The following SSBP3 variants were observed in gnomAD, a reference collection of about 807,000 sequenced individuals.
SSBP3 encodes single-stranded DNA-binding protein 3.
In SSBP3, 5 loss-of-function variants were observed where a neutral mutation model predicts 69.6. That is an observed-to-expected ratio of 0.07 (90% CI 0.04 to 0.15). The LOEUF is 0.15. SSBP3 is among the 10% of genes least tolerant of loss of function. The pLI is 1.00. For synonymous variants in SSBP3, 196 were observed against 193.4 expected (o/e 1.01, Z -0.11); for missense variants, 312 against 534.0 (o/e 0.58, Z 4.10).
chr1:54,225,980 A>G (rs1014201169), exon 18 of SSBP3: 2 of 152,236 alleles, frequency 1.3e-5, no homozygotes, highest in African/African-American at 4.8e-5. Context: ...AGGACGAATA[A>G]AGAGAAAAAA....
At chr1:54,308,181 C>T (rs997860993) in intron 4 of SSBP3, among the ~76,000 whole-genome samples, 4 of 152,120 alleles carry the variant, frequency 2.6e-5, no homozygotes, top group Non-Finnish European at 4.4e-5. Context: ...AAGAAGAGGC[C>T]GGGTGCTGAC....
intron 4 of SSBP3, among the ~76,000 whole-genome samples, chr1:54,380,879 G>C (rs1441712587): frequency 6.6e-6 from 1 of 152,086 alleles, no homozygotes; most frequent in Non-Finnish European, 1.5e-5. Flanking sequence ...CTAGCACTTT[G>C]GGAGGCTGAA....
At chr1:54,234,315 T>C (rs1241533298) in intron 14 of SSBP3, among the ~76,000 whole-genome samples, 1 of 146,422 alleles carries the variant, frequency 6.8e-6, no homozygotes, top group Non-Finnish European at 1.5e-5. Context: ...CAAATCCCCC[T>C]CTGTGAGAAA....
Position 54,311,566 on chromosome 1 carries a change from G to A in SSBP3, c.277-30039C>T, listed in dbSNP as rs117844508. On this transcript the variant is annotated intron_variant, in intron 4 of 17. Transcript: ENST00000610401. ...ATCGAGACAACCCTGCCTACCTCAT[G>A]GGGCCCATTGAGAGCATGTGAGCCA... Among the ~76,000 whole-genome samples, 462 of 152,230 alleles carry A rather than the reference G, an allele frequency of 3.0e-3. 18 individuals carry two copies. The East Asian group carries it at 0.077, about 26-fold the overall frequency.
At chr1:54,409,083 G>A (rs890373697), upstream of SSBP3, among the ~76,000 whole-genome samples, 3 of 152,162 alleles carry the variant, frequency 2.0e-5, no homozygotes, top group Non-Finnish European at 4.4e-5. Flanking sequence ...CAGATCAGAA[G>A]CAAGTCCAAA....
At chr1:54,238,491 C>T (rs554374248) in intron 14 of SSBP3, 54 of 373,876 alleles carry the variant, frequency 1.4e-4, no homozygotes, top group Non-Finnish European at 2.4e-4. Context: ...CCTCGGGCAA[C>T]GCCCCCTGGG....
At chr1:54,234,334 A>G (rs1265449260) in intron 14 of SSBP3, among the ~76,000 whole-genome samples, 4 of 144,090 alleles carry the variant, frequency 2.8e-5, no homozygotes, top group Admixed American at 6.9e-5. Context: ...AACACCCAAG[A>G]ATTATCAATA....
chr1:54,288,586 TGGG>T, intron 4 of SSBP3, among the ~76,000 whole-genome samples: 2 of 125,598 alleles, frequency 1.6e-5, no homozygotes, highest in South Asian at 5.4e-4. Flanking sequence ...TCAGCAGGGG[TGGG>T]GGGGGGGAGG....
In SSBP3 at chr1:54,240,099, C is replaced by CGT. The variant is rs1372856308; in HGVS notation, c.856+804_856+805dup. On this transcript the variant is annotated intron_variant, in intron 13 of 17. Transcript: ENST00000610401. Reference sequence around the variant, plus strand: ...GTGTGTGTGTGTGTGCGCGCGCGCGCGTGTGCGTGCGCGCGCGCGCGCAAC... The same window carrying CGT: ...GTGTGTGTGTGTGTGCGCGCGCGCGCGTGTGTGCGTGCGCGCGCGCGCGCAAC... 5.5e-4 allele frequency among the ~76,000 whole-genome samples: 58 copies of CGT among 105,338 alleles called. 1 individual carries two copies. Among genetic ancestry groups the CGT allele is most frequent in the Non-Finnish European group, 8.5e-4 (44 of 52,038 alleles). The allele number at this position is 105,338 out of a possible 152,430, so 69.1% of individuals were successfully genotyped here. A position where few individuals can be genotyped will look rare whatever the true frequency, so the allele number is the denominator to read the frequency against.
At chr1:54,280,758 T>C (rs1054812658) in intron 5 of SSBP3, among the ~76,000 whole-genome samples, 3 of 152,138 alleles carry the variant, frequency 2.0e-5, no homozygotes, top group Admixed American at 6.5e-5. Context: ...GCGCCCAACC[T>C]GGCAAAACAG....
At chr1:54,228,214 G>C in intron 17 of SSBP3, 41 bp downstream of exon 17, 3 of 1,555,354 alleles carry the variant, frequency 1.9e-6, no homozygotes, top group Admixed American at 3.3e-5. Flanking sequence ...AGAGTCCCCA[G>C]GCCGTGGGGA....
chr1:54,387,058 A>G (rs1228872531), intron 4 of SSBP3, among the ~76,000 whole-genome samples: 2 of 152,150 alleles, frequency 1.3e-5, no homozygotes, highest in African/African-American at 4.8e-5. Flanking sequence ...TGAAGTAAGA[A>G]CATCCGTTCC....
intron 4 of SSBP3, among the ~76,000 whole-genome samples, chr1:54,323,001 C>T (rs1646241155): frequency 6.6e-6 from 1 of 152,172 alleles, no homozygotes; most frequent in South Asian, 2.1e-4. Flanking sequence ...GAACTCTGAC[C>T]TATGATTTTC....
chr1:54,293,029 A>G (rs1208736970), intron 4 of SSBP3, among the ~76,000 whole-genome samples: 1 of 152,016 alleles, frequency 6.6e-6, no homozygotes, highest in African/African-American at 2.4e-5. Context: ...TGGTTCAGGT[A>G]CCCACCAAGA....
chr1:54,235,508 C>T (rs1260350875), intron 14 of SSBP3, among the ~76,000 whole-genome samples: 21 of 136,122 alleles, frequency 1.5e-4, no homozygotes, highest in Non-Finnish European at 2.6e-4. Flanking sequence ...CAGGCTGGAG[C>T]GCAGCGTTGC....
chr1:54,409,362 G>A (rs774937497), upstream of SSBP3, among the ~76,000 whole-genome samples: 1 of 151,980 alleles, frequency 6.6e-6, no homozygotes, highest in South Asian at 2.1e-4. Context: ...CATTGTTGTA[G>A]CCACTTGTTT....
rs552091279 is a variant in SSBP3 at position 54,327,981 on chromosome 1, C to T, written c.277-46454G>A. On this transcript the variant is annotated intron_variant, in intron 4 of 17. Coordinates refer to ENST00000610401, the Ensembl canonical transcript of SSBP3. ...GTAAGCCAGCGTTTATTTTTAAACACGAAGAAGAGTCTCCCATAATAAAGC... is the reference window on the plus strand; with the variant it reads ...GTAAGCCAGCGTTTATTTTTAAACATGAAGAAGAGTCTCCCATAATAAAGC... Among the ~76,000 whole-genome samples the T allele has an allele frequency of 7.2e-5, 11 of 152,176 alleles. No homozygotes were observed. The East Asian group carries it at 1.5e-3, about 21-fold the overall frequency.
chr1:54,402,896 G>A (rs111760546), intron 3 of SSBP3, among the ~76,000 whole-genome samples: 7 of 152,124 alleles, frequency 4.6e-5, no homozygotes, highest in Non-Finnish European at 1.0e-4. Flanking sequence ...CGAGGCCCAG[G>A]GACAGAACAA....
At chr1:54,276,472 A>G (rs918597819) in intron 5 of SSBP3, among the ~76,000 whole-genome samples, 4 of 151,670 alleles carry the variant, frequency 2.6e-5, no homozygotes, top group Non-Finnish European at 5.9e-5. Flanking sequence ...TTAGCCGGGC[A>G]TGGTGGTGAG....
Sources: gnomAD v4.1 joint callset for allele counts (sites outside exome capture counted in the v4.1 genomes callset) on GRCh38, gnomAD v4.1.1 for gene constraint, MANE v1.5 for transcripts, NCBI Gene and HGNC (gene_info 2026-07-23, HGNC 2026-07-21) for gene names.